The following TRIM66 variants were observed in gnomAD, a reference collection of about 807,000 sequenced individuals.
TRIM66 encodes the protein tripartite motif-containing protein 66.
Under a neutral mutation model 148.2 loss-of-function variants are expected in TRIM66, and 99 were observed. The ratio of observed to expected loss-of-function variants is 0.67; its 90% CI spans 0.57 to 0.79. The LOEUF (loss-of-function observed/expected upper bound fraction) is 0.79, where lower values mean the gene tolerates loss of function less well. TRIM66 is among the 30% of genes least tolerant of loss of function. TRIM66 has a pLI of 0.00. For missense variants in TRIM66, 1,666 were observed against 1,697.9 expected, an observed-to-expected ratio of 0.98 and a Z score of 0.33; for synonymous variants, 616 against 635.9, an observed-to-expected ratio of 0.97 and a Z score of 0.47.
At chr11:8,620,189 T>C in intron 21 of TRIM66, 65 bp from the exon 22 acceptor site, 11 of 1,461,024 alleles carry the variant, frequency 7.5e-6, no homozygotes, top group Non-Finnish European at 1.0e-5. Flanking sequence ...GAACTAAAGA[T>C]GTTGACCCTG....
intron 12 of TRIM66, among the ~76,000 whole-genome samples, chr11:8,643,699 T>C (rs1330605550): frequency 1.3e-5 from 2 of 152,148 alleles, no homozygotes; most frequent in Non-Finnish European, 2.9e-5. Context: ...TCTCCCTCAC[T>C]ACATCGTTGA....
At chr11:8,664,780 A>G (rs745956960) in intron 6 of TRIM66, among the ~76,000 whole-genome samples, 2 of 152,182 alleles carry the variant, frequency 1.3e-5, no homozygotes, top group African/African-American at 2.4e-5. Context: ...CAAACATGAA[A>G]GGCACCGTCT....
At chr11:8,622,760 A>T (rs2034425442) in intron 18 of TRIM66, 56 bp downstream of exon 18, 1 of 1,476,584 alleles carries the variant, frequency 6.8e-7, no homozygotes, top group African/African-American at 1.4e-5. Context: ...TCCCTGTGCC[A>T]GCATCTCAGG....
intron 11 of TRIM66, 124 bp from the exon 12 acceptor site, chr11:8,646,011 C>T (rs1444210283): frequency 1.1e-6 from 1 of 919,362 alleles, no homozygotes; most frequent in East Asian, 2.7e-5. Flanking sequence ...CCTGAGAGGA[C>T]AGCAGGGCAG....
At chr11:8,628,087 T>G (rs1462358434) in intron 15 of TRIM66, among the ~76,000 whole-genome samples, 1 of 152,084 alleles carries the variant, frequency 6.6e-6, no homozygotes, top group African/African-American at 2.4e-5. Context: ...CCACCTTAGA[T>G]TCCCAAAGTG....
At chr11:8,676,561 G>A (rs1413620758) in intron 3 of TRIM66, among the ~76,000 whole-genome samples, 1 of 152,152 alleles carries the variant, frequency 6.6e-6, no homozygotes, top group Admixed American at 6.5e-5. Flanking sequence ...ACTACACAGG[G>A]TAAGAATATA....
chr11:8,648,946 C>G (rs1384024820), intron 8 of TRIM66, among the ~76,000 whole-genome samples: 1 of 152,256 alleles, frequency 6.6e-6, no homozygotes, highest in Non-Finnish European at 1.5e-5. Context: ...GGCTAGATCA[C>G]GTGGATCATG....
At position 8,681,598 on chromosome 11, in the gene TRIM66, G is replaced by A. The variant is rs566754479; in HGVS notation, c.-548+1003C>T. On this transcript the variant is annotated intron_variant, in intron 1 of 24. Coordinates refer to ENST00000646038, the MANE Select transcript of TRIM66 (RefSeq NM_001388022.1). ...GGGATCTATTAATAGACTAGCGAGG[G>A]GATGGGATCTTGAACACTGGTTGAA... Among the ~76,000 whole-genome samples the A allele has an allele frequency of 2.6e-5, 4 of 152,194 alleles. No individual in the cohort carries two copies. The East Asian group carries it at 7.7e-4, about 29-fold the overall frequency.
intron 4 of TRIM66, among the ~76,000 whole-genome samples, chr11:8,674,238 G>A (rs2039075860): frequency 6.6e-6 from 1 of 152,164 alleles, no homozygotes; most frequent in African/African-American, 2.4e-5. Flanking sequence ...AGTTAAAGCT[G>A]AGAAAATCTA....
intron 1 of TRIM66, among the ~76,000 whole-genome samples, chr11:8,681,562 A>C (rs1205661659): frequency 6.6e-6 from 1 of 152,144 alleles, no homozygotes; most frequent in Non-Finnish European, 1.5e-5. Context: ...AATTTATTTC[A>C]TTTTTCCCAT....
Position 8,617,874 on chromosome 11 carries a change from T to A in TRIM66, c.*70A>T. Reference sequence around the variant, plus strand: ...CATCCACACTCTGAAGAGGATAAGCTGCAAGATGGGGAGGAATGGTCGACA... The same window carrying A: ...CATCCACACTCTGAAGAGGATAAGCAGCAAGATGGGGAGGAATGGTCGACA... On this transcript the variant is annotated 3_prime_UTR_variant, in exon 25 of 25. Transcript: ENST00000646038. The A allele has an allele frequency of 2.1e-6, 3 of 1,442,002 alleles. No individual in the cohort carries two copies. The South Asian group carries it at 3.7e-5, about 18-fold the overall frequency. 89.3% of individuals were successfully genotyped at this position (1,442,002 alleles called of 1,614,324 possible).
intron 8 of TRIM66, among the ~76,000 whole-genome samples, chr11:8,649,133 G>A (rs2037124511): frequency 6.6e-6 from 1 of 152,256 alleles, no homozygotes; most frequent in East Asian, 1.9e-4. Flanking sequence ...GAGGTCAGGG[G>A]TTCAAGACCA....
intron 12 of TRIM66, among the ~76,000 whole-genome samples, chr11:8,644,821 A>T (rs1011513012): frequency 6.6e-6 from 1 of 152,154 alleles, no homozygotes; most frequent in Non-Finnish European, 1.5e-5. Context: ...CTTCTACTTC[A>T]CTGGAGCTTC....
intron 6 of TRIM66, among the ~76,000 whole-genome samples, chr11:8,670,831 AG>A (rs1230099423): frequency 1.3e-5 from 2 of 152,252 alleles, no homozygotes. Flanking sequence ...AGACTCTGAG[AG>A]GCAAGGTAGC....
intron 19 of TRIM66, 121 bp from the exon 20 acceptor site, chr11:8,621,442 A>T (rs1347285148): frequency 1.5e-6 from 2 of 1,373,842 alleles, no homozygotes; most frequent in Non-Finnish European, 1.9e-6. Context: ...CAGGACCCCA[A>T]GCCAGCAAGC....
intron 7 of TRIM66, among the ~76,000 whole-genome samples, chr11:8,651,184 G>C (rs1377828099): frequency 6.6e-6 from 1 of 152,022 alleles, no homozygotes; most frequent in Non-Finnish European, 1.5e-5. Context: ...TATATGGGTC[G>C]ATCTCCCTAA....
At chr11:8,682,835 G>A (rs185245303), upstream of TRIM66, 1,241 of 1,610,580 alleles carry the variant, frequency 7.7e-4, 10 homozygotes, top group African/African-American at 0.016. Context: ...TTCGTTTCTT[G>A]CCTCCTCTTC....
rs950578695 is a variant in TRIM66, at chr11:8,640,673, C to A, written c.1702G>T (p.Ala568Ser). The change falls in exon 14 of 25, where the codon GCC becomes TCC. Residue 568 changes from alanine (A) to serine (S), a missense_variant. Around this residue, in one of 3 missense-constraint regions of TRIM66, gnomAD observed 1,431 missense variants for 1,412.4 expected, o/e 1.01. Transcript: ENST00000646038. ...IVPPQDVQQG[A>S]HAQPTLQTPS... ...GTCTGTAAGGTGGGCTGGGCATGGG[C>A]TCCTTGCTGAACATCCTGTGGGGGG... The A allele has an allele frequency of 1.4e-5, 21 of 1,551,684 alleles. No individual in the cohort carries two copies. In the African/African-American group the frequency reaches 2.7e-4, roughly 20 times the overall value.
At chr11:8,670,015 T>G (rs906033700) in intron 6 of TRIM66, among the ~76,000 whole-genome samples, 4 of 143,444 alleles carry the variant, frequency 2.8e-5, no homozygotes, top group African/African-American at 7.9e-5. Context: ...TTGTTTTTAT[T>G]TATTTTTTTT....
Sources: allele counts gnomAD v4.1 joint callset (sites outside exome capture counted in the v4.1 genomes callset), GRCh38; gene constraint gnomAD v4.1.1; regional missense constraint gnomAD v4.1.1; transcripts MANE v1.5; gene names NCBI Gene and HGNC (gene_info 2026-07-23, HGNC 2026-07-21).